Variants in PCDHA5 observed in about 807,000 individuals in gnomAD.
PCDHA5 encodes the protein protocadherin alpha 5.
In PCDHA5, 43 loss-of-function variants were observed where a neutral mutation model predicts 61.6. That is an observed-to-expected ratio of 0.70 (90% CI 0.55 to 0.90). The LOEUF is 0.90. Among genes scored for constraint, PCDHA5 ranks in the 40% least tolerant of loss-of-function variants. The pLI, the probability that PCDHA5 is intolerant of heterozygous loss-of-function variation, is 0.00. For missense variants in PCDHA5, 1,298 were observed against 1,222.7 expected (o/e 1.06, Z -0.92); for synonymous variants, 627 against 543.9 (o/e 1.15, Z -2.13).
At chr5:140,869,359 G>A in intron 1 of PCDHA5, 1 of 1,614,110 alleles carries the variant, frequency 6.2e-7, no homozygotes, top group Non-Finnish European at 8.5e-7. Context: ...CATTTTGTTT[G>A]TGAATTCTCG....
In PCDHA5 at chr5:140,961,349, T is replaced by C. The variant is rs1352312577; in HGVS notation, c.2353-17600T>C. Among the ~76,000 whole-genome samples the C allele has an allele frequency of 2.0e-5, 3 of 152,204 alleles. No individual in the cohort carries two copies. The East Asian group carries it at 5.8e-4, about 29-fold the overall frequency. On this transcript the variant is annotated intron_variant, in intron 1 of 3. Coordinates refer to ENST00000529859, the MANE Select transcript of PCDHA5 (RefSeq NM_018908.3). Reference sequence around the variant, plus strand: ...TTGAGAGACCAAGAGTGGATCCCTGTAGTCCCCATTAGAATTCTCCTTCTA... The same window carrying C: ...TTGAGAGACCAAGAGTGGATCCCTGCAGTCCCCATTAGAATTCTCCTTCTA...
chr5:140,941,202 C>CTTTCTTTCTTT (rs1554213921), intron 1 of PCDHA5, among the ~76,000 whole-genome samples: 2,980 of 122,772 alleles, frequency 0.024, 108 homozygotes, highest in East Asian at 0.062. Context: ...TTTCTTTCTT[C>CTTTCTTTCTTT]CTTTCTTTCT....
chr5:140,883,826 C>G, intron 1 of PCDHA5: 1 of 1,612,622 alleles, frequency 6.2e-7, no homozygotes, highest in South Asian at 1.1e-5. Context: ...GGTGTACGCG[C>G]TGCAGCCGTT....
rs1316555766 is a variant in PCDHA5, at chr5:141,011,101, T to C, written c.*1164T>C. 1.3e-5 allele frequency: 2 copies of C among 153,710 alleles called. No homozygotes were observed. The highest frequency in any genetic ancestry group is 2.9e-5 in the Non-Finnish European group (2 of 68,016). The allele number at this position is 153,710 out of a possible 1,614,324, so 9.5% of individuals were successfully genotyped here. A position where few individuals can be genotyped will look rare whatever the true frequency, so the allele number is the denominator to read the frequency against. On this transcript the variant is annotated 3_prime_UTR_variant, in exon 4 of 4. Coordinates refer to ENST00000529859, the MANE Select transcript of PCDHA5 (RefSeq NM_018908.3). ...AATGATCTCTCTTTCTCTCTCTCTC[T>C]CTCTTTTCTAAGAAACAATTATGTG...
At chr5:140,830,710 C>A in intron 1 of PCDHA5, 1 of 247,822 alleles carries the variant, frequency 4.0e-6, no homozygotes, top group East Asian at 8.1e-5. Flanking sequence ...GAATTTTTGT[C>A]TTCAAACCAA....
intron 1 of PCDHA5, among the ~76,000 whole-genome samples, chr5:140,912,129 A>C (rs2075781767): frequency 6.6e-6 from 1 of 152,156 alleles, no homozygotes; most frequent in Admixed American, 6.6e-5. Flanking sequence ...AGTCAGTCTA[A>C]TCTCTCCATG....
intron 1 of PCDHA5, among the ~76,000 whole-genome samples, chr5:140,872,884 T>C (rs1057197501): frequency 2.6e-5 from 4 of 152,238 alleles, no homozygotes; most frequent in Non-Finnish European, 4.4e-5. Flanking sequence ...GTTTCATTCA[T>C]CTCACTTTGT....
intron 2 of PCDHA5, chr5:140,982,217 C>T (rs1257918481): frequency 3.9e-6 from 2 of 507,664 alleles, no homozygotes; most frequent in Non-Finnish European, 6.2e-6. Context: ...CGCCACATGG[C>T]GTTAATAAAA....
chr5:140,997,859 T>C (rs2097788506), intron 3 of PCDHA5, among the ~76,000 whole-genome samples: 1 of 152,216 alleles, frequency 6.6e-6, no homozygotes, highest in Non-Finnish European at 1.5e-5. Context: ...TACATATTTC[T>C]TATGCATGCT....
chr5:140,866,359 A>ATT (rs1376841789), intron 1 of PCDHA5: 14 of 152,148 alleles, frequency 9.2e-5, no homozygotes, highest in African/African-American at 2.9e-4. Context: ...TGTTTACAAT[A>ATT]TTGCATACTT....
Position 141,011,113 on chromosome 5 carries a change from GAAAC to G in PCDHA5, c.*1179_*1182del, listed in dbSNP as rs1378492452. 6.5e-6 allele frequency: 1 copy of G among 153,504 alleles called. No homozygotes were observed. The highest frequency in any genetic ancestry group is 2.4e-5 in the African/African-American group (1 of 41,342). 9.5% of individuals were successfully genotyped at this position (153,504 alleles called of 1,614,324 possible). A position where few individuals can be genotyped will look rare whatever the true frequency, so the allele number is the denominator to read the frequency against. ...TTCTCTCTCTCTCTCTCTTTTCTAA[GAAAC>G]AATTATGTGCACTTTGATACACAAC... On this transcript the variant is annotated 3_prime_UTR_variant, in exon 4 of 4. Coordinates refer to ENST00000529859, the MANE Select transcript of PCDHA5 (RefSeq NM_018908.3).
intron 2 of PCDHA5, among the ~76,000 whole-genome samples, chr5:140,980,627 T>C (rs1482574235): frequency 6.6e-6 from 1 of 151,860 alleles, no homozygotes; most frequent in African/African-American, 2.4e-5. Context: ...AGACTCTGTC[T>C]CAGAAGAATA....
intron 1 of PCDHA5, among the ~76,000 whole-genome samples, chr5:140,886,252 C>G (rs1368508838): frequency 6.6e-6 from 1 of 151,858 alleles, no homozygotes; most frequent in Non-Finnish European, 1.5e-5. Flanking sequence ...ATAAAAGTAT[C>G]TCTATTTATA....
rs2096830713 is a variant in PCDHA5 at position 140,978,969 on chromosome 5, C to G, written c.2373C>G (p.Asp791Glu). 4 of 1,614,092 alleles carry G rather than the reference C, an allele frequency of 2.5e-6. No homozygotes were observed. The highest frequency in any genetic ancestry group is 1.6e-4 in the Middle Eastern group (1 of 6,084). ...TGCAGCCACGACAGCCCAACCCTGACTGGCGTTACTCTGCCTCCCTGAGAG... is the reference window on the plus strand; with the variant it reads ...TGCAGCCACGACAGCCCAACCCTGAGTGGCGTTACTCTGCCTCCCTGAGAG... ...STDNPRQPNP[D>E]WRYSASLRAG... The change falls in exon 2 of 4, where the codon GAC becomes GAG. Residue 791 changes from aspartate (D) to glutamate (E), a missense_variant. Coordinates refer to ENST00000529859, the MANE Select transcript of PCDHA5 (RefSeq NM_018908.3).
chr5:140,988,119 A>T (rs1238767411), intron 3 of PCDHA5, among the ~76,000 whole-genome samples: 1 of 152,174 alleles, frequency 6.6e-6, no homozygotes, highest in Non-Finnish European at 1.5e-5. Context: ...TTTAGAAAGC[A>T]TGCTGTTCCA....
At chr5:140,856,856 G>A in intron 1 of PCDHA5, 1 of 1,594,396 alleles carries the variant, frequency 6.3e-7, no homozygotes, top group Non-Finnish European at 8.6e-7. Context: ...TGATTCGGAT[G>A]AAGGAATAAA....
intron 1 of PCDHA5, among the ~76,000 whole-genome samples, chr5:140,969,974 A>G (rs11750201): frequency 0.017 from 2,514 of 152,228 alleles, 25 homozygotes; most frequent in Middle Eastern, 0.037. Flanking sequence ...TGATGTGGCA[A>G]CTCTTCTGTA....
chr5:140,986,947 C>T (rs983987541), intron 3 of PCDHA5, among the ~76,000 whole-genome samples: 1 of 152,160 alleles, frequency 6.6e-6, no homozygotes, highest in African/African-American at 2.4e-5. Context: ...GGTGTGGTCG[C>T]TCATGCCTGT....
intron 1 of PCDHA5, among the ~76,000 whole-genome samples, chr5:140,845,892 T>C (rs1282025011): frequency 4.0e-5 from 6 of 149,784 alleles, no homozygotes; most frequent in African/African-American, 1.5e-4. Context: ...CAGAAAGTCG[T>C]TATGGCCTTC....
Sources: allele counts gnomAD v4.1 joint callset (sites outside exome capture counted in the v4.1 genomes callset), GRCh38; gene constraint gnomAD v4.1.1; transcripts MANE v1.5; gene names NCBI Gene and HGNC (gene_info 2026-07-23, HGNC 2026-07-21).